NAV3: variants seen among roughly 807,000 people sequenced by gnomAD.
The protein encoded by NAV3 is pore membrane and/or filament interacting like protein 1.
In NAV3, 87 loss-of-function variants were observed where a neutral mutation model predicts 244.7. The observed-to-expected ratio is 0.36, with a 90% confidence interval of 0.30 to 0.42. NAV3 has a LOEUF of 0.42. Ranked by LOEUF, NAV3 falls within the 20% of genes least tolerant of loss-of-function variation. The pLI is 1.00. For synonymous variants in NAV3, 1,126 were observed against 1,042.2 expected, an observed-to-expected ratio of 1.08 and a Z score of -1.55; for missense variants, 2,663 against 2,893.3, an observed-to-expected ratio of 0.92 and a Z score of 1.83.
chr12:78,117,347 A>ATAAATATTTATATATATTAAATATATAT (rs1955459801), intron 13 of NAV3, among the ~76,000 whole-genome samples: 1 of 10,784 alleles, frequency 9.3e-5, no homozygotes. Context: ...TAAATATATA[A>ATAAATATTTATATATATTAAATATATAT]AAATATATAA....
In NAV3 at chr12:78,117,301, T is replaced by G. The variant is rs576042825; in HGVS notation, c.2769+397T>G. 4.0e-3 allele frequency among the ~76,000 whole-genome samples: 557 copies of G among 137,762 alleles called. 3 individuals are homozygous for G. Among genetic ancestry groups the G allele is most frequent in the Non-Finnish European group, 6.0e-3 (381 of 63,976 alleles). The allele number at this position is 137,762 out of a possible 152,430, so 90.4% of individuals were successfully genotyped here. A position where few individuals can be genotyped will look rare whatever the true frequency, so the allele number is the denominator to read the frequency against. ...ATTTATTGTTAATATATAGAGTATA[T>G]AAATATCTATTTATATAATAGATAT... On this transcript the variant is annotated intron_variant, in intron 13 of 39. Coordinates refer to ENST00000397909, the MANE Select transcript of NAV3 (RefSeq NM_001024383.2).
At chr12:77,750,848 G>C (rs10777395) in intron 2 of NAV3, among the ~76,000 whole-genome samples, 3 of 151,612 alleles carry the variant, frequency 2.0e-5, no homozygotes, top group African/African-American at 7.3e-5. Flanking sequence ...AGCACTCACA[G>C]CAAGTGATAA....
At chr12:77,599,350 T>A (rs1397639533) in intron 2 of NAV3, among the ~76,000 whole-genome samples, 1 of 151,946 alleles carries the variant, frequency 6.6e-6, no homozygotes, top group East Asian at 1.9e-4. Flanking sequence ...CAAAATTAAT[T>A]GAAGAAATAT....
chr12:78,128,992 T>C (rs1956048395), intron 18 of NAV3, 126 bp downstream of exon 18: 1 of 804,510 alleles, frequency 1.2e-6, no homozygotes, highest in African/African-American at 1.7e-5. Context: ...ACTTTAACAG[T>C]ACCTTTCATT....
chr12:77,736,718 G>A (rs1016907258), intron 2 of NAV3, among the ~76,000 whole-genome samples: 3 of 152,190 alleles, frequency 2.0e-5, no homozygotes, highest in Non-Finnish European at 2.9e-5. Flanking sequence ...GATTTCACTG[G>A]AGGATGCCAA....
rs749438392 is a variant in NAV3, at chr12:78,122,038, C to T, written c.3848C>T (p.Ala1283Val). 2 of 1,614,060 alleles carry T rather than the reference C, an allele frequency of 1.2e-6. No individual in the cohort carries two copies. The highest frequency in any genetic ancestry group is 1.3e-5 in the African/African-American group (1 of 74,932). Residue 1283 changes from alanine (A) to valine (V), a missense_variant, in exon 16 of 40, where the codon GCG becomes GTG. Ala to Val is a moderately conservative substitution (Grantham distance 64). Coordinates refer to ENST00000397909, the MANE Select transcript of NAV3 (RefSeq NM_001024383.2). ...ATGCCCAGCCCTAGTACCACATTAG[C>T]GCGGCAAGGCAGTCTGGAGTCACCG... ...SVMPSPSTTL[A>V]RQGSLESPSS...
intron 2 of NAV3, among the ~76,000 whole-genome samples, chr12:77,742,431 C>T (rs1029586719): frequency 3.3e-5 from 5 of 151,750 alleles, no homozygotes; most frequent in Admixed American, 1.3e-4. Context: ...ATTGTTTTGA[C>T]AAATACATTG....
At chr12:78,136,174 T>C (rs1956365777) in intron 18 of NAV3, among the ~76,000 whole-genome samples, 1 of 152,226 alleles carries the variant, frequency 6.6e-6, no homozygotes, top group Non-Finnish European at 1.5e-5. Context: ...TCAGAACAAC[T>C]CTAAGCCACT....
chr12:77,967,812 C>T (rs1892647532), intron 4 of NAV3, among the ~76,000 whole-genome samples: 1 of 151,910 alleles, frequency 6.6e-6, no homozygotes, highest in African/African-American at 2.4e-5. Context: ...TCTGCTTATT[C>T]AATTATGTTA....
At chr12:77,588,293 T>TA (rs1243739787) in intron 2 of NAV3, among the ~76,000 whole-genome samples, 6 of 151,958 alleles carry the variant, frequency 3.9e-5, no homozygotes, top group Non-Finnish European at 8.8e-5. Flanking sequence ...TTTTTATTTT[T>TA]TTTTTGGTAG....
At chr12:78,113,282 C>G (rs1175733952) in intron 12 of NAV3, among the ~76,000 whole-genome samples, 1 of 152,218 alleles carries the variant, frequency 6.6e-6, no homozygotes, top group Non-Finnish European at 1.5e-5. Context: ...CTTCATCTCA[C>G]AGATCCACTA....
rs1168140991 is a variant in NAV3, at chr12:78,179,471, G to A, written c.5364-58G>A. On this transcript the variant is annotated intron_variant, in intron 28 of 39. Transcript: ENST00000397909. Reference sequence around the variant, plus strand: ...CAGTGCAGCCTTTAAAAGAGGCAGTGCTTTTCTTAATCCTCTGGCTTCCCC... The same window carrying A: ...CAGTGCAGCCTTTAAAAGAGGCAGTACTTTTCTTAATCCTCTGGCTTCCCC... 5 of 1,603,774 alleles carry A rather than the reference G, an allele frequency of 3.1e-6. No individual in the cohort carries two copies. In the South Asian group the frequency reaches 3.3e-5, roughly 11 times the overall value.
chr12:78,168,921 T>A, intron 24 of NAV3, 55 bp downstream of exon 24: 1 of 1,179,124 alleles, frequency 8.5e-7, no homozygotes, highest in African/African-American at 1.5e-5. Flanking sequence ...CTATTTTATT[T>A]ATTAATTACA....
intron 3 of NAV3, among the ~76,000 whole-genome samples, chr12:77,963,899 CTCCT>C (rs1390478400): frequency 1.0e-4 from 2 of 19,846 alleles, no homozygotes; most frequent in Admixed American, 1.2e-3. Context: ...CCTTCTCCTT[CTCCT>C]TCCTTCTCCT....
At chr12:77,676,482 G>C (rs1333038934) in intron 2 of NAV3, among the ~76,000 whole-genome samples, 1 of 151,556 alleles carries the variant, frequency 6.6e-6, no homozygotes, top group East Asian at 1.9e-4. Context: ...CAATCTCCCA[G>C]GGTTAGAAAC....
intron 30 of NAV3, 48 bp from the exon 31 acceptor site, chr12:78,185,553 G>A: frequency 6.7e-7 from 1 of 1,486,534 alleles, no homozygotes; most frequent in Non-Finnish European, 9.3e-7. Flanking sequence ...AAACAAATCT[G>A]AGCTAATGTT....
chr12:77,810,744 A>G (rs576190326), intron 2 of NAV3, among the ~76,000 whole-genome samples: 3 of 152,312 alleles, frequency 2.0e-5, no homozygotes, highest in South Asian at 4.1e-4. Context: ...TCTTCATTCA[A>G]TACTAGTTTT....
At chr12:77,683,315 G>C (rs1874556313) in intron 2 of NAV3, among the ~76,000 whole-genome samples, 1 of 151,646 alleles carries the variant, frequency 6.6e-6, no homozygotes, top group South Asian at 2.1e-4. Flanking sequence ...AAAATTAATT[G>C]ATCATAAATG....
intron 1 of NAV3, among the ~76,000 whole-genome samples, chr12:77,903,350 A>G (rs1002693272): frequency 6.6e-6 from 1 of 152,196 alleles, no homozygotes; most frequent in Admixed American, 6.5e-5. Context: ...CATATCTACA[A>G]CCATCTGATC....
Sources: gnomAD v4.1 joint callset for allele counts (sites outside exome capture counted in the v4.1 genomes callset) on GRCh38, gnomAD v4.1.1 for gene constraint, MANE v1.5 for transcripts, NCBI Gene and HGNC (gene_info 2026-07-23, HGNC 2026-07-21) for gene names.